SHPK: variants seen among roughly 807,000 people sequenced by gnomAD.
The protein encoded by SHPK is carbohydrate kinase-like protein.
A neutral mutation model predicts 46.3 loss-of-function variants in SHPK; 51 were observed. That is an observed-to-expected ratio of 1.10 (90% CI 0.88 to 1.39). The LOEUF is 1.39. SHPK is among the 40% of genes most tolerant of loss of function. The pLI, the probability that SHPK is intolerant of heterozygous loss-of-function variation, is 0.00. For synonymous variants in SHPK, 290 were observed against 273.9 expected, an observed-to-expected ratio of 1.06 and a Z score of -0.58; for missense variants, 668 against 641.3, an observed-to-expected ratio of 1.04 and a Z score of -0.45.
intron 2 of SHPK, among the ~76,000 whole-genome samples, chr17:3,627,762 C>T (rs910816315): frequency 4.0e-5 from 6 of 150,902 alleles, no homozygotes; most frequent in East Asian, 1.9e-4. Context: ...GGCATGTGAC[C>T]GGATCACAAT....
chr17:3,614,066 A>G (rs1005908226), intron 6 of SHPK, among the ~76,000 whole-genome samples: 1 of 152,162 alleles, frequency 6.6e-6, no homozygotes, highest in Non-Finnish European at 1.5e-5. Flanking sequence ...AGCTGCTATG[A>G]GCTGTTGAGT....
At chr17:3,631,445 G>A (rs1260815212) in intron 1 of SHPK, among the ~76,000 whole-genome samples, 1 of 137,294 alleles carries the variant, frequency 7.3e-6, no homozygotes, top group African/African-American at 2.7e-5. Context: ...GAATTGACAT[G>A]TAAATGTAAA....
chr17:3,623,890 T>G (rs1330740020), intron 3 of SHPK, among the ~76,000 whole-genome samples, 158 bp downstream of exon 3: 1 of 152,176 alleles, frequency 6.6e-6, no homozygotes, highest in Non-Finnish European at 1.5e-5. Context: ...AGGACGTGGT[T>G]CTGGACCCAA....
chr17:3,634,951 C>T (rs2075499653), intron 1 of SHPK, among the ~76,000 whole-genome samples: 1 of 151,990 alleles, frequency 6.6e-6, no homozygotes, highest in South Asian at 2.1e-4. Flanking sequence ...GTGGGCAGAT[C>T]ACTTGAGGTC....
At chr17:3,627,788 G>C (rs1178828781) in intron 2 of SHPK, among the ~76,000 whole-genome samples, 1 of 151,500 alleles carries the variant, frequency 6.6e-6, no homozygotes, top group Non-Finnish European at 1.5e-5. Context: ...GCTCTCTGCT[G>C]TCCTCTTTGG....
intron 1 of SHPK, among the ~76,000 whole-genome samples, chr17:3,631,539 T>TTTTTA (rs1555555401): frequency 3.1e-5 from 4 of 127,536 alleles, no homozygotes; most frequent in East Asian, 2.0e-4. Context: ...TTTTTTTTTT[T>TTTTTA]AGCGATAGAG....
At position 3,630,195 on chromosome 17, in the gene SHPK, C is replaced by A. The variant is rs1381785046; in HGVS notation, c.310+10G>T. 1.2e-6 allele frequency: 2 copies of A among 1,613,850 alleles called. No homozygotes were observed. The highest frequency in any genetic ancestry group is 1.7e-6 in the Non-Finnish European group (2 of 1,180,018). ...CTACCAGCCTGAGAGCATCCCCGAG[C>A]CCAGCATACCTTGGCCTGTTTTCCA... is the stretch of plus-strand genomic sequence containing the variant. On this transcript the variant is annotated intron_variant, in intron 2 of 6. Transcript: ENST00000225519.
intron 6 of SHPK, among the ~76,000 whole-genome samples, chr17:3,612,045 C>G (rs535137195): frequency 7.3e-5 from 11 of 151,594 alleles, no homozygotes; most frequent in Non-Finnish European, 1.0e-4. Context: ...CTCAAGTGAT[C>G]TACCTGCCTC....
rs144011808 is a variant in SHPK at position 3,615,287 on chromosome 17, G to A, written c.1024+50C>T. 1.7e-3 allele frequency: 2,675 copies of A among 1,575,172 alleles called. 29 individuals carry two copies. The highest frequency in any genetic ancestry group is 0.015 in the South Asian group (1,351 of 90,156). On this transcript the variant is annotated intron_variant, in intron 6 of 6. Transcript: ENST00000225519. ...CTCCGTGAAGCTCCGAGACCCTGCC[G>A]GGTAGAAAGGACAGGCAGAGAACAC... is the stretch of plus-strand genomic sequence containing the variant.
intron 2 of SHPK, among the ~76,000 whole-genome samples, chr17:3,628,068 C>T (rs1180503711): frequency 6.6e-6 from 1 of 151,906 alleles, no homozygotes; most frequent in African/African-American, 2.4e-5. Context: ...CGGTGCATCA[C>T]CAAATGCCAG....
In SHPK at chr17:3,621,401, G is replaced by C. The variant is rs147149189; in HGVS notation, c.659C>G (p.Ser220Trp). 6.2e-7 allele frequency: 1 copy of C among 1,613,764 alleles called. No individual in the cohort carries two copies. The highest frequency in any genetic ancestry group is 1.7e-5 in the Admixed American group (1 of 59,974). The change falls in exon 5 of 7, where the codon TCG becomes TGG. Residue 220 changes from serine (S) to tryptophan (W), a missense_variant. By Grantham distance (177) the Ser-to-Trp change is radical (BLOSUM62 -3). Coordinates refer to ENST00000225519, the MANE Select transcript of SHPK (RefSeq NM_013276.4). The stretch of plus-strand genomic sequence containing the variant: ...TGGGAGCAGGTGGACAGGAAAACCC[G>C]AGCTCCTCAGTCTGTAAAACAGAAG... ...QSWNVETLRS[S>W]GFPVHLLPDI...
intron 1 of SHPK, among the ~76,000 whole-genome samples, chr17:3,633,901 CTT>C (rs1372513853): frequency 4.6e-5 from 7 of 151,730 alleles, no homozygotes; most frequent in African/African-American, 1.7e-4. Flanking sequence ...ACATGGGAGA[CTT>C]TTCATTTTGT....
intron 1 of SHPK, among the ~76,000 whole-genome samples, chr17:3,633,455 C>G (rs1253114044): frequency 6.6e-6 from 1 of 151,606 alleles, no homozygotes; most frequent in East Asian, 1.9e-4. Context: ...GGACACCCCT[C>G]ACACAACAAA....
chr17:3,618,129 CAG>C (rs1260964091), intron 5 of SHPK, among the ~76,000 whole-genome samples: 2 of 152,102 alleles, frequency 1.3e-5, no homozygotes, highest in African/African-American at 2.4e-5. Flanking sequence ...GTTTTTGAGA[CAG>C]AGTCTCACTC....
At chr17:3,622,907 G>A (rs1216783661) in intron 4 of SHPK, among the ~76,000 whole-genome samples, 2 of 152,018 alleles carry the variant, frequency 1.3e-5, no homozygotes, top group Non-Finnish European at 2.9e-5. Context: ...GTTTCGCCAT[G>A]TTGCCCAGGC....
chr17:3,618,600 T>G (rs973243050), intron 5 of SHPK, among the ~76,000 whole-genome samples: 1 of 151,818 alleles, frequency 6.6e-6, no homozygotes, highest in Non-Finnish European at 1.5e-5. Flanking sequence ...GCCAACATGG[T>G]GAAACCCTGT....
intron 2 of SHPK, among the ~76,000 whole-genome samples, chr17:3,625,427 A>C (rs1469184655): frequency 1.3e-5 from 2 of 152,188 alleles, no homozygotes; most frequent in African/African-American, 4.8e-5. Context: ...TCTCTGGGGG[A>C]ATCAGCCTTC....
chr17:3,610,911 T>C lies in SHPK; in HGVS notation c.1086A>G (p.Arg362=), dbSNP rs2075335687. The C allele has an allele frequency of 1.2e-6, 2 of 1,613,936 alleles. No individual in the cohort carries two copies. The highest frequency in any genetic ancestry group is 3.3e-5 in the Admixed American group (2 of 60,020). ...TCGGGGTGATGGTCAGGTGGGTATC[T>C]CTCTGCTGCACAGCTGCCTGAATCA... The part of the protein sequence containing the change: ...SRMIQAAVQQ[R]DTHLTITPTV... The change falls in exon 7 of 7, where the codon AGA becomes AGG. Residue 362 remains arginine, a synonymous_variant. Transcript: ENST00000225519.
intron 6 of SHPK, among the ~76,000 whole-genome samples, chr17:3,612,778 G>A (rs1218970744): frequency 2.0e-5 from 3 of 147,562 alleles, no homozygotes; most frequent in Non-Finnish European, 4.5e-5. Flanking sequence ...TTGAGACGGA[G>A]TCTTGCTCTG....
Sources: gnomAD v4.1 joint callset for allele counts (sites outside exome capture counted in the v4.1 genomes callset) on GRCh38, gnomAD v4.1.1 for gene constraint, MANE v1.5 for transcripts, NCBI Gene and HGNC (gene_info 2026-07-23, HGNC 2026-07-21) for gene names.